Variants in WDR33 observed in about 807,000 individuals in gnomAD.
WDR33 encodes the protein pre-mRNA 3' end processing protein WDR33.
WDR33 carries 47 observed loss-of-function variants against 164.9 expected under a neutral mutation model. The ratio of observed to expected loss-of-function variants is 0.29; its 90% CI spans 0.23 to 0.36. The LOEUF is 0.36. Among genes scored for constraint, WDR33 ranks in the 10% least tolerant of loss-of-function variants. WDR33 has a pLI of 1.00. For synonymous variants in WDR33, 505 were observed against 589.0 expected (o/e 0.86, Z 2.06); for missense variants, 1,137 against 1,754.1 (o/e 0.65, Z 6.28).
Position 127,764,968 on chromosome 2 carries a change from G to A in WDR33, c.486C>T (p.Ser162=), listed in dbSNP as rs775529518. 6.2e-7 allele frequency: 1 copy of A among 1,613,744 alleles called. No homozygotes were observed. The highest frequency in any genetic ancestry group is 8.5e-7 in the Non-Finnish European group (1 of 1,179,862). The part of the protein sequence containing the change: ...NFETILQAHD[S]PVRAMTWSHN... Reference sequence around the variant, plus strand: ...GTGACCACGTCATGGCCCTCACTGGGCTGTCGTGAGCCTGTGAAAGCAGAA... The same window carrying A: ...GTGACCACGTCATGGCCCTCACTGGACTGTCGTGAGCCTGTGAAAGCAGAA... Residue 162 remains serine (S), a synonymous_variant, in exon 6 of 22, where the codon AGC becomes AGT. Coordinates refer to ENST00000322313, the MANE Select transcript of WDR33 (RefSeq NM_018383.5). This position sits in a 1 kb window ranked among gnomAD's most constrained non-coding sequence, Gnocchi z 6.2.
intron 7 of WDR33, among the ~76,000 whole-genome samples, chr2:127,761,212 T>C (rs1257833397): frequency 6.6e-6 from 1 of 152,314 alleles, no homozygotes; most frequent in East Asian, 1.9e-4. Flanking sequence ...GAATTACTTT[T>C]TTTTTTGAGA....
At chr2:127,731,602 C>A (rs1298137697) in intron 7 of WDR33, among the ~76,000 whole-genome samples, 1 of 152,048 alleles carries the variant, frequency 6.6e-6, no homozygotes, top group Non-Finnish European at 1.5e-5. Context: ...AAACATGAAT[C>A]AATGAGAGGT....
Position 127,701,562 on chromosome 2 carries a change from C to G in WDR33, c.*4761G>C. ...CCTCCACCGCCAGCTGCAGGAGTAC[C>G]TGGCGCAGGGGAAAGCTGGCGGCCC... On this transcript the variant is annotated 3_prime_UTR_variant, in exon 22 of 22. Transcript: ENST00000322313. 1 of 1,368,980 alleles carries G rather than the reference C, an allele frequency of 7.3e-7. No homozygotes were observed. Among genetic ancestry groups the G allele is most frequent in the Non-Finnish European group, 9.4e-7 (1 of 1,059,704 alleles). 84.8% of individuals were successfully genotyped at this position (1,368,980 alleles called of 1,614,324 possible). A position where few individuals can be genotyped will look rare whatever the true frequency, so the allele number is the denominator to read the frequency against.
At position 127,701,724 on chromosome 2, in the gene WDR33, A is replaced by G. The variant is rs2105363679; in HGVS notation, c.*4599T>C. On this transcript the variant is annotated 3_prime_UTR_variant, in exon 22 of 22. Coordinates refer to ENST00000322313, the MANE Select transcript of WDR33 (RefSeq NM_018383.5). ...TGCGGAGTCGGCAGCGGCCGGCCTG[A>G]CGTGCCTCCCGAGCGTGACGCGCGG... The G allele has an allele frequency of 7.3e-7, 1 of 1,378,128 alleles. No homozygotes were observed. The highest frequency in any genetic ancestry group is 3.2e-5 in the Admixed American group (1 of 31,700). The allele number at this position is 1,378,128 out of a possible 1,614,324, so 85.4% of individuals were successfully genotyped here. A position where few individuals can be genotyped will look rare whatever the true frequency, so the allele number is the denominator to read the frequency against.
Position 127,706,675 on chromosome 2 carries a change from CAGT to C in WDR33, c.3782-126_3782-124del. On this transcript the variant is annotated intron_variant, in intron 21 of 21. Transcript: ENST00000322313. This position sits in a 1 kb window ranked among gnomAD's most constrained non-coding sequence, Gnocchi z 5.1. ...TTCTGGTGGGTGCCAGGGAGACTGG[CAGT>C]GGTATTCAGCGTACTGAGAGGTGTG... 1.2e-6 allele frequency: 1 copy of C among 823,112 alleles called. No individual in the cohort carries two copies. The highest frequency in any genetic ancestry group is 1.9e-6 in the Non-Finnish European group (1 of 540,270). 51.0% of individuals were successfully genotyped at this position (823,112 alleles called of 1,614,324 possible).
intron 7 of WDR33, among the ~76,000 whole-genome samples, chr2:127,761,049 A>C (rs1687658108): frequency 6.6e-6 from 1 of 152,214 alleles, no homozygotes; most frequent in Non-Finnish European, 1.5e-5. Flanking sequence ...AAACACATTC[A>C]TTACCAAAAT....
At chr2:127,810,201 G>T (rs892132327) in intron 1 of WDR33, among the ~76,000 whole-genome samples, 5 of 152,122 alleles carry the variant, frequency 3.3e-5, no homozygotes, top group African/African-American at 4.8e-5. Context: ...CAAAGTTCCT[G>T]AACAGTCAAC....
chr2:127,793,518 ATC>A (rs1169184518), intron 1 of WDR33, among the ~76,000 whole-genome samples: 5 of 151,936 alleles, frequency 3.3e-5, no homozygotes, highest in East Asian at 3.9e-4. Context: ...AGGCAGGAGG[ATC>A]ACTTGAGGCC....
chr2:127,801,122 A>G (rs1480963478), intron 1 of WDR33, among the ~76,000 whole-genome samples: 1 of 151,868 alleles, frequency 6.6e-6, no homozygotes, highest in East Asian at 1.9e-4. Flanking sequence ...AAAAAAAGAA[A>G]AGAAAAACAA....
intron 1 of WDR33, among the ~76,000 whole-genome samples, chr2:127,808,868 A>C (rs981514616): frequency 6.6e-6 from 1 of 152,126 alleles, no homozygotes; most frequent in Non-Finnish European, 1.5e-5. Context: ...GTCTCTACTA[A>C]AAATACAAAA....
At chr2:127,760,200 G>C (rs1687637266) in intron 7 of WDR33, among the ~76,000 whole-genome samples, 1 of 152,164 alleles carries the variant, frequency 6.6e-6, no homozygotes, top group South Asian at 2.1e-4. Context: ...GAATGTTGTA[G>C]AAAAGTATTT....
intron 7 of WDR33, chr2:127,736,316 G>C: frequency 2.0e-6 from 2 of 985,336 alleles, no homozygotes; most frequent in Non-Finnish European, 2.4e-6. Flanking sequence ...GCATGTAAAG[G>C]GGCCTTTAAC....
chr2:127,712,351 G>GTGCCGCTGCAGTGAGCCGAGATCT lies in WDR33; in HGVS notation c.3308+1231_3308+1232insAGATCTCGGCTCACTGCAGCGGCA, dbSNP rs1686202910. 3.3e-5 allele frequency among the ~76,000 whole-genome samples: 5 copies of GTGCCGCTGCAGTGAGCCGAGATCT among 151,790 alleles called. No homozygotes were observed. The South Asian group carries it at 1.0e-3, about 32-fold the overall frequency. On this transcript the variant is annotated intron_variant, in intron 18 of 21. Transcript: ENST00000322313. This position sits in a 1 kb window ranked among gnomAD's most constrained non-coding sequence, Gnocchi z 4.0. ...GTGGAGGCTGCAGTGAGCCGAGATC[G>GTGCCGCTGCAGTGAGCCGAGATCT]TGCCACTGCACTCCAGCCTGGCAAC...
intron 1 of WDR33, among the ~76,000 whole-genome samples, chr2:127,806,240 C>T (rs1457089318): frequency 1.4e-5 from 2 of 140,804 alleles, no homozygotes; most frequent in African/African-American, 2.7e-5. Flanking sequence ...GACAGTCTCG[C>T]TCTGTTGCCC....
At chr2:127,779,719 AAAG>A (rs1160699678) in intron 1 of WDR33, among the ~76,000 whole-genome samples, 2 of 152,172 alleles carry the variant, frequency 1.3e-5, no homozygotes, top group African/African-American at 2.4e-5. Flanking sequence ...ATCCATAGCC[AAAG>A]AAGATCACAT....
At chr2:127,788,249 ACCC>A (rs573765607) in intron 1 of WDR33, among the ~76,000 whole-genome samples, 1 of 52,476 alleles carries the variant, frequency 1.9e-5, no homozygotes, top group East Asian at 6.7e-4. Context: ...CAGGGGGCTG[ACCC>A]CCCCCACCTC....
At chr2:127,743,831 ACTCAATTC>A (rs1687094021) in intron 7 of WDR33, among the ~76,000 whole-genome samples, 2 of 152,198 alleles carry the variant, frequency 1.3e-5, no homozygotes, top group Admixed American at 1.3e-4. Context: ...TGTGAATAAC[ACTCAATTC>A]CTCACCTTTG....
Position 127,702,926 on chromosome 2 carries a change from C to T in WDR33, c.*3397G>A, listed in dbSNP as rs1196430360. The T allele has an allele frequency of 2.4e-5, 4 of 167,024 alleles. No individual in the cohort carries two copies. The highest frequency in any genetic ancestry group is 6.5e-5 in the Admixed American group (1 of 15,280). 10.3% of individuals were successfully genotyped at this position (167,024 alleles called of 1,614,324 possible). On this transcript the variant is annotated 3_prime_UTR_variant, in exon 22 of 22. Coordinates refer to ENST00000322313, the MANE Select transcript of WDR33 (RefSeq NM_018383.5). ...GAAAGATAATTCTAGATCCGGAATA[C>T]CTGTATCTGGTGGAAACCATGGATT...
In WDR33 at chr2:127,740,525, G is replaced by A. The variant is rs1011071425; in HGVS notation, c.725-13748C>T. On this transcript the variant is annotated intron_variant, in intron 7 of 21. Coordinates refer to ENST00000322313, the MANE Select transcript of WDR33 (RefSeq NM_018383.5). The stretch of plus-strand genomic sequence containing the variant: ...ACACCACCACACTTCCAGCCTGGGT[G>A]AGAGTGAGATCCTGTCTCTAAAAAA... Among the ~76,000 whole-genome samples the A allele has an allele frequency of 2.6e-5, 4 of 152,182 alleles. No homozygotes were observed. In the South Asian group the frequency reaches 6.2e-4, roughly 24 times the overall value.
Sources: gnomAD v4.1 joint callset for allele counts (sites outside exome capture counted in the v4.1 genomes callset) on GRCh38, gnomAD v4.1.1 for gene constraint, Gnocchi (gnomAD v3.1) non-coding constraint, MANE v1.5 for transcripts, NCBI Gene and HGNC (gene_info 2026-07-23, HGNC 2026-07-21) for gene names.